The following WFS1 variants were observed in gnomAD, a reference collection of about 807,000 sequenced individuals.
WFS1 encodes the protein wolframin ER transmembrane glycoprotein, also known as wolframin.
Under a neutral mutation model 68.5 loss-of-function variants are expected in WFS1, and 90 were observed. That is an observed-to-expected ratio of 1.31 (90% CI 1.11 to 1.56). WFS1 has a LOEUF of 1.56. Among genes scored for constraint, WFS1 ranks in the 40% most tolerant of loss-of-function variants. WFS1 has a pLI of 0.00. For missense variants in WFS1, 1,767 were observed against 1,232.6 expected (o/e 1.43, Z -6.49); for synonymous variants, 860 against 540.7 (o/e 1.59, Z -8.19).
Position 6,301,424 on chromosome 4 carries a change from C to T in WFS1, c.1629C>T (p.Leu543=), listed in dbSNP as rs377460896. The T allele has an allele frequency of 1.7e-5, 28 of 1,612,382 alleles. No individual in the cohort carries two copies. Among genetic ancestry groups the T allele is most frequent in the African/African-American group, 1.6e-4 (12 of 74,956 alleles). Residue 543 remains leucine, a synonymous_variant, in exon 8 of 8, where the codon CTC becomes CTT. Coordinates refer to ENST00000226760, the MANE Select transcript of WFS1 (RefSeq NM_006005.3). ...PYLVCFMWCE[L]SVVILLESTG... ...TGGTGTGCTTCATGTGGTGTGAGCT[C>T]TCCGTGGTCATCCTGCTGGAGTCCA...
rs781701900 is a variant in WFS1, at chr4:6,301,294, A to T, written c.1499A>T (p.Asn500Ile). 1.2e-6 allele frequency: 2 copies of T among 1,611,556 alleles called. No individual in the cohort carries two copies. The highest frequency in any genetic ancestry group is 3.3e-5 in the Admixed American group (2 of 60,028). The change falls in exon 8 of 8, where the codon AAC becomes ATC. Residue 500 changes from asparagine (N) to isoleucine (I), a missense_variant. Coordinates refer to ENST00000226760, the MANE Select transcript of WFS1 (RefSeq NM_006005.3). Reference protein sequence around the residue: ...TVPVGHLVVLNVSVPCLLYVY... With the variant: ...TVPVGHLVVLIVSVPCLLYVY... ...CCTGTCGGCCACCTGGTCGTCCTCA[A>T]CGTCAGCGTCCCGTGCCTGCTCTAT...
At chr4:6,297,080 T>C (rs186718197) in intron 7 of WFS1, among the ~76,000 whole-genome samples, 2 of 152,344 alleles carry the variant, frequency 1.3e-5, no homozygotes, top group African/African-American at 4.8e-5. Context: ...CCTCCCACTT[T>C]GGCCTCCCAC....
chr4:6,284,843 T>A (rs1237531793), intron 2 of WFS1, among the ~76,000 whole-genome samples: 1 of 150,404 alleles, frequency 6.6e-6, no homozygotes, highest in Non-Finnish European at 1.5e-5. Context: ...CACGTGCGTC[T>A]GTGTCATTGT....
Position 6,301,697 on chromosome 4 carries a change from G to T in WFS1, c.1902G>T (p.Lys634Asn), listed in dbSNP as rs755078133. The change falls in exon 8 of 8, where the codon AAG (lysine) becomes AAT (asparagine). Residue 634 changes from lysine (K) to asparagine (N), a missense_variant. Transcript: ENST00000226760. ...VKSLTRSSMV[K>N]LILVWLTAIV... The stretch of plus-strand genomic sequence containing the variant: ...CCCTGACGCGGAGCTCCATGGTCAA[G>T]CTCATCCTGGTGTGGCTCACGGCCA... 6.2e-7 allele frequency: 1 copy of T among 1,614,110 alleles called. No individual in the cohort carries two copies. Among genetic ancestry groups the T allele is most frequent in the East Asian group, 2.2e-5 (1 of 44,878 alleles).
In WFS1 at chr4:6,301,620, C is replaced by G. The variant is rs71532859; in HGVS notation, c.1825C>G (p.Leu609Val). The change falls in exon 8 of 8, where the codon CTG (leucine) becomes GTG (valine). Residue 609 changes from leucine to valine, a missense_variant. Coordinates refer to ENST00000226760, the MANE Select transcript of WFS1 (RefSeq NM_006005.3). ...VTVAVCSVPL[L>V]LRWWTKASFS... is the part of the protein sequence containing the mutation. ...CGTGGCGGTCTGTAGTGTGCCCCTGCTGTTGCGCTGGTGGACCAAGGCCAG... is the reference window on the plus strand; with the variant it reads ...CGTGGCGGTCTGTAGTGTGCCCCTGGTGTTGCGCTGGTGGACCAAGGCCAG... The G allele has an allele frequency of 1.9e-6, 3 of 1,614,134 alleles. No homozygotes were observed. Among genetic ancestry groups the G allele is most frequent in the Non-Finnish European group, 1.7e-6 (2 of 1,180,018 alleles).
chr4:6,283,008 T>C lies in WFS1; in HGVS notation c.233-4085T>C, dbSNP rs1038937568. Among the ~76,000 whole-genome samples, 6 of 152,176 alleles carry C rather than the reference T, an allele frequency of 3.9e-5. No individual in the cohort carries two copies. The highest frequency in any genetic ancestry group is 3.9e-4 in the Admixed American group (6 of 15,274). ...GACGGGTGAGACCCACGGACATAGA[T>C]GGCATCCACGAAGGCTGGCGGAGCC... On this transcript the variant is annotated intron_variant, in intron 2 of 7. Transcript: ENST00000226760. This position sits in a 1 kb window ranked among gnomAD's most constrained non-coding sequence, Gnocchi z 5.0.
At chr4:6,273,486 G>C (rs1729896219) in intron 1 of WFS1, among the ~76,000 whole-genome samples, 1 of 152,182 alleles carries the variant, frequency 6.6e-6, no homozygotes, top group Non-Finnish European at 1.5e-5. Context: ...CCTGGATGCT[G>C]GGGTCTGGGG....
rs1026242120 is a variant in WFS1 at position 6,293,987 on chromosome 4, C to T, written c.713-1054C>T. On this transcript the variant is annotated intron_variant, in intron 6 of 7. Transcript: ENST00000226760. ...TGTGCTACCTGCCACTTGTGTGGGC[C>T]CCCCCAAGGCTGCCTCATCTCTTTG... Among the ~76,000 whole-genome samples the T allele has an allele frequency of 8.7e-5, 13 of 149,800 alleles. 1 individual carries two copies. Among genetic ancestry groups the T allele is most frequent in the East Asian group, 5.8e-4 (3 of 5,184 alleles).
chr4:6,286,478 A>G (rs1353263147), intron 2 of WFS1, among the ~76,000 whole-genome samples: 2 of 152,142 alleles, frequency 1.3e-5, no homozygotes, highest in Non-Finnish European at 2.9e-5. Flanking sequence ...AAAGAAATAC[A>G]TTTCTGATGT....
At chr4:6,286,117 T>C (rs1435065612) in intron 2 of WFS1, among the ~76,000 whole-genome samples, 1 of 151,942 alleles carries the variant, frequency 6.6e-6, no homozygotes, top group Non-Finnish European at 1.5e-5. Flanking sequence ...TGACTCTGTC[T>C]CCTTGATGGA....
chr4:6,291,171 G>A lies in WFS1; in HGVS notation c.461-26G>A, dbSNP rs1730451485. On this transcript the variant is annotated intron_variant, in intron 4 of 7. Coordinates refer to ENST00000226760, the MANE Select transcript of WFS1 (RefSeq NM_006005.3). ...CGAAAGCCTAGGCAGGGCACACAAG[G>A]CCTTTGACCACATCCTATCCCTCAG... 16 of 1,610,578 alleles carry A rather than the reference G, an allele frequency of 9.9e-6. No homozygotes were observed. In the Admixed American group the frequency reaches 2.5e-4, roughly 25 times the overall value.
chr4:6,270,468 G>T (rs1437510952), intron 1 of WFS1, among the ~76,000 whole-genome samples: 2 of 27,156 alleles, frequency 7.4e-5, no homozygotes, highest in Admixed American at 5.1e-4. Context: ...AGGTGTTGTG[G>T]GGGGGAAGGG....
At position 6,288,741 on chromosome 4, in the gene WFS1, G is replaced by A. The variant is rs374330508; in HGVS notation, c.316-246G>A. On this transcript the variant is annotated intron_variant, in intron 3 of 7. Transcript: ENST00000226760. ...AAGAGAACCTGTACCAGTACCAGTC[G>A]GAGCCCGTGTCTCCCTCGCCGTGTG... 9.5e-5 allele frequency: 54 copies of A among 569,736 alleles called. 1 individual carries two copies. Among genetic ancestry groups the A allele is most frequent in the South Asian group, 9.1e-4 (49 of 53,924 alleles). 35.3% of individuals were successfully genotyped at this position (569,736 alleles called of 1,614,324 possible). A position where few individuals can be genotyped will look rare whatever the true frequency, so the allele number is the denominator to read the frequency against.
In WFS1 at chr4:6,291,254, A is replaced by G; in HGVS notation, c.518A>G (p.Glu173Gly). 6.2e-7 allele frequency: 1 copy of G among 1,613,116 alleles called. No homozygotes were observed. Among genetic ancestry groups the G allele is most frequent in the Non-Finnish European group, 8.5e-7 (1 of 1,179,970 alleles). ...VRQLSSETDL[E>G]RAVRKAALVM... The stretch of plus-strand genomic sequence containing the variant: ...CAGCTCTCCTCCGAGACCGACCTGG[A>G]GAGGGCCGTGCGCAAGGCAGCCCTG... Residue 173 changes from glutamate to glycine, a missense_variant, in exon 5 of 8, where the codon GAG becomes GGG. Glu to Gly is a moderately conservative substitution (Grantham distance 98). Coordinates refer to ENST00000226760, the MANE Select transcript of WFS1 (RefSeq NM_006005.3).
At chr4:6,298,725 C>G (rs1404532753) in intron 7 of WFS1, among the ~76,000 whole-genome samples, 1 of 152,230 alleles carries the variant, frequency 6.6e-6, no homozygotes, top group Non-Finnish European at 1.5e-5. Flanking sequence ...ACTCAGTCTT[C>G]TGGTTGTTTC....
In WFS1 at chr4:6,287,535, C is replaced by G. The variant is rs971622068; in HGVS notation, c.315+360C>G. ...ACTCTTGTCTCCCTGACTGGCCTTT[C>G]ACCTGGCTGTTAGCTGTGTGCACGG... On this transcript the variant is annotated intron_variant, in intron 3 of 7. Coordinates refer to ENST00000226760, the MANE Select transcript of WFS1 (RefSeq NM_006005.3). This position sits in a 1 kb window ranked among gnomAD's most constrained non-coding sequence, Gnocchi z 6.4. Among the ~76,000 whole-genome samples, 16 of 152,240 alleles carry G rather than the reference C, an allele frequency of 1.1e-4. No individual in the cohort carries two copies. The highest frequency in any genetic ancestry group is 3.9e-4 in the African/African-American group (16 of 41,456).
At chr4:6,288,595 C>G (rs1428507631) in intron 3 of WFS1, 1 of 322,336 alleles carries the variant, frequency 3.1e-6, no homozygotes, top group Non-Finnish European at 6.0e-6. Flanking sequence ...GGTTAGCTGG[C>G]GTCTCTCCAG....
At chr4:6,297,351 C>T (rs1348451638) in intron 7 of WFS1, among the ~76,000 whole-genome samples, 1 of 152,156 alleles carries the variant, frequency 6.6e-6, no homozygotes, top group Non-Finnish European at 1.5e-5. Context: ...GAGAGGTCTT[C>T]ACTCAAAGTG....
chr4:6,286,344 G>C (rs1383930381), intron 2 of WFS1, among the ~76,000 whole-genome samples: 7 of 152,112 alleles, frequency 4.6e-5, no homozygotes, highest in Admixed American at 6.6e-5. Flanking sequence ...AGAAACCTCA[G>C]GGAGCTCCCT....
Sources: allele counts gnomAD v4.1 joint callset (sites outside exome capture counted in the v4.1 genomes callset), GRCh38; gene constraint gnomAD v4.1.1; non-coding constraint Gnocchi (gnomAD v3.1); transcripts MANE v1.5; gene names NCBI Gene and HGNC (gene_info 2026-07-23, HGNC 2026-07-21).